Variants in COL19A1 observed in about 807,000 individuals in gnomAD.
COL19A1 encodes collagen type XIX alpha 1 chain.
COL19A1 carries 159 observed loss-of-function variants against 190.2 expected under a neutral mutation model. The ratio of observed to expected loss-of-function variants is 0.84; its 90% CI spans 0.73 to 0.95. The LOEUF is 0.95. Ranked by LOEUF, COL19A1 falls within the 40% of genes least tolerant of loss-of-function variation. The pLI is 0.00. For synonymous variants in COL19A1, 509 were observed against 458.9 expected (o/e 1.11, Z -1.39); for missense variants, 1,418 against 1,431.9 (o/e 0.99, Z 0.16).
At chr6:70,145,076 T>G (rs993100978) in intron 25 of COL19A1, 69 bp downstream of exon 25, 1 of 1,123,674 alleles carries the variant, frequency 8.9e-7, no homozygotes, top group Non-Finnish European at 1.3e-6. Context: ...GGTTCCTAGT[T>G]TCAGATCACA....
At chr6:69,996,738 G>A (rs756429096) in intron 11 of COL19A1, among the ~76,000 whole-genome samples, 6 of 151,558 alleles carry the variant, frequency 4.0e-5, no homozygotes, top group Non-Finnish European at 7.4e-5. Context: ...TGTAACATAA[G>A]CTTATTTAAA....
chr6:70,152,091 C>G (rs1787099729), intron 31 of COL19A1, among the ~76,000 whole-genome samples: 1 of 151,604 alleles, frequency 6.6e-6, no homozygotes, highest in African/African-American at 2.4e-5. Context: ...GATAATGGCA[C>G]ATATGTAAGG....
intron 17 of COL19A1, among the ~76,000 whole-genome samples, chr6:70,122,198 T>C (rs945988986): frequency 1.3e-5 from 2 of 152,200 alleles, no homozygotes; most frequent in African/African-American, 4.8e-5. Context: ...ATGCAAAACA[T>C]TGTGTTCCAC....
intron 48 of COL19A1, among the ~76,000 whole-genome samples, chr6:70,194,964 C>T (rs1378241264): frequency 6.6e-6 from 1 of 150,524 alleles, no homozygotes; most frequent in Non-Finnish European, 1.5e-5. Flanking sequence ...ACATATATTT[C>T]ATATATATAT....
chr6:69,911,414 T>A (rs1305475413), intron 4 of COL19A1, among the ~76,000 whole-genome samples: 2 of 152,244 alleles, frequency 1.3e-5, no homozygotes, highest in African/African-American at 4.8e-5. Context: ...GGTGACATTT[T>A]AATAATTTTA....
chr6:70,035,557 G>A (rs919132563), intron 13 of COL19A1, among the ~76,000 whole-genome samples: 8 of 152,170 alleles, frequency 5.3e-5, no homozygotes, highest in South Asian at 2.1e-4. Flanking sequence ...ATTATCTATC[G>A]CCGTGACACT....
chr6:69,986,221 T>A (rs910948677), intron 11 of COL19A1, among the ~76,000 whole-genome samples: 16 of 138,292 alleles, frequency 1.2e-4, no homozygotes, highest in Non-Finnish European at 2.2e-4. Context: ...CTTACACGTT[T>A]TATATATATA....
At chr6:70,003,834 G>A (rs1385953579) in intron 11 of COL19A1, among the ~76,000 whole-genome samples, 2 of 152,108 alleles carry the variant, frequency 1.3e-5, no homozygotes, top group Non-Finnish European at 2.9e-5. Context: ...CAATTTGCCA[G>A]TCTGTGTCTT....
chr6:70,180,176 A>C, intron 42 of COL19A1, 136 bp from the exon 43 acceptor site: 2 of 913,038 alleles, frequency 2.2e-6, no homozygotes, highest in Non-Finnish European at 3.4e-6. Flanking sequence ...ATGAGCCACC[A>C]CACCTGGCCA....
chr6:69,921,563 C>CAT (rs1771938022), intron 4 of COL19A1, among the ~76,000 whole-genome samples: 2 of 113,160 alleles, frequency 1.8e-5, no homozygotes, highest in Non-Finnish European at 3.6e-5. Context: ...TATATATATT[C>CAT]GTATATATTC....
intron 2 of COL19A1, among the ~76,000 whole-genome samples, chr6:69,889,489 G>T (rs890253066): frequency 6.6e-6 from 1 of 152,166 alleles, no homozygotes; most frequent in Non-Finnish European, 1.5e-5. Flanking sequence ...GAACTTTTCT[G>T]TCTAGCTAAA....
At chr6:70,206,876 T>G in intron 49 of COL19A1, 25 bp from the exon 50 acceptor site, 2 of 1,603,262 alleles carry the variant, frequency 1.2e-6, no homozygotes, top group Non-Finnish European at 1.7e-6. Context: ...TTTGTGTGTC[T>G]CTTTTTTATA....
intron 4 of COL19A1, among the ~76,000 whole-genome samples, chr6:69,902,107 G>C (rs1351785473): frequency 6.6e-6 from 1 of 152,196 alleles, no homozygotes; most frequent in African/African-American, 2.4e-5. Flanking sequence ...GGGGGTATCT[G>C]GTTGAGCTGC....
At chr6:69,877,261 A>G (rs1446149016) in intron 1 of COL19A1, among the ~76,000 whole-genome samples, 1 of 152,204 alleles carries the variant, frequency 6.6e-6, no homozygotes, top group Non-Finnish European at 1.5e-5. Context: ...TTCACTTGCA[A>G]TTTATTTCCA....
intron 18 of COL19A1, among the ~76,000 whole-genome samples, chr6:70,133,246 G>A (rs781634831): frequency 2.0e-5 from 3 of 152,228 alleles, no homozygotes; most frequent in East Asian, 3.9e-4. Flanking sequence ...TCAATGCACT[G>A]ACCAGCAAAA....
chr6:70,096,359 G>T (rs1394708532), intron 15 of COL19A1, among the ~76,000 whole-genome samples: 1 of 151,790 alleles, frequency 6.6e-6, no homozygotes, highest in Non-Finnish European at 1.5e-5. Flanking sequence ...CTCCCAAAGT[G>T]CTAGGATTAC....
At chr6:69,929,363 G>T in intron 5 of COL19A1, 62 bp from the exon 6 acceptor site, 1 of 1,501,468 alleles carries the variant, frequency 6.7e-7, no homozygotes, top group South Asian at 1.3e-5. Context: ...TTTTCTTTGT[G>T]TGCTTTAATA....
At chr6:70,175,579 T>C (rs1056355155) in intron 41 of COL19A1, among the ~76,000 whole-genome samples, 26 of 152,230 alleles carry the variant, frequency 1.7e-4, no homozygotes, top group African/African-American at 6.0e-4. Context: ...GATATTTCTG[T>C]TATAGTATTT....
At chr6:70,033,321 C>T (rs950085727) in intron 12 of COL19A1, among the ~76,000 whole-genome samples, 10 of 152,160 alleles carry the variant, frequency 6.6e-5, no homozygotes, top group Non-Finnish European at 8.8e-5. Context: ...CAGTAATAGC[C>T]GGGTCTTTCA....
Sources: allele counts gnomAD v4.1 joint callset (sites outside exome capture counted in the v4.1 genomes callset), GRCh38; gene constraint gnomAD v4.1.1; transcripts MANE v1.5; gene names NCBI Gene and HGNC (gene_info 2026-07-23, HGNC 2026-07-21).